CLSTN2: variants seen among roughly 807,000 people sequenced by gnomAD.
The protein encoded by CLSTN2 is calsyntenin 2.
A neutral mutation model predicts 101.2 loss-of-function variants in CLSTN2; 48 were observed. The ratio of observed to expected loss-of-function variants is 0.47; its 90% CI spans 0.38 to 0.60. The LOEUF (loss-of-function observed/expected upper bound fraction) is 0.60, where lower values mean the gene tolerates loss of function less well. Among genes scored for constraint, CLSTN2 ranks in the 20% least tolerant of loss-of-function variants. CLSTN2 has a pLI of 0.00. For missense variants in CLSTN2, 1,160 were observed against 1,238.2 expected (o/e 0.94, Z 0.95); for synonymous variants, 481 against 463.6 (o/e 1.04, Z -0.48).
At chr3:140,325,430 A>T (rs2107926079) in intron 2 of CLSTN2, among the ~76,000 whole-genome samples, 1 of 152,346 alleles carries the variant, frequency 6.6e-6, no homozygotes, top group African/African-American at 2.4e-5. Context: ...TAGGTTGCTC[A>T]TGAAGACCCC....
chr3:140,037,267 T>C (rs2007672854), intron 1 of CLSTN2, among the ~76,000 whole-genome samples: 1 of 152,150 alleles, frequency 6.6e-6, no homozygotes, highest in Non-Finnish European at 1.5e-5. Flanking sequence ...ACAGAGCAAT[T>C]TTGAAGCAAC....
rs555875695 is a variant in CLSTN2 at position 140,207,562 on chromosome 3, C to G, written c.232+31489C>G. 1.3e-3 allele frequency among the ~76,000 whole-genome samples: 204 copies of G among 152,124 alleles called. 1 individual carries two copies. In the Middle Eastern group the frequency reaches 0.02, roughly 15 times the overall value. Reference sequence around the variant, plus strand: ...CATTTGTGAACATGCTTCACAAATTCAAAAGTTCAAAACACCTGTGAGGAT... The same window carrying G: ...CATTTGTGAACATGCTTCACAAATTGAAAAGTTCAAAACACCTGTGAGGAT... On this transcript the variant is annotated intron_variant, in intron 2 of 16. Transcript: ENST00000458420.
chr3:139,998,322 G>A (rs1203352991), intron 1 of CLSTN2, among the ~76,000 whole-genome samples: 2 of 94,506 alleles, frequency 2.1e-5, no homozygotes, highest in Admixed American at 2.1e-4. Flanking sequence ...TGGGATAATA[G>A]TTCCCCCACA....
intron 2 of CLSTN2, among the ~76,000 whole-genome samples, chr3:140,328,700 C>A (rs954522448): frequency 3.9e-5 from 6 of 152,140 alleles, no homozygotes; most frequent in Non-Finnish European, 8.8e-5. Context: ...TAGATGTGAA[C>A]CCTGGCTCTA....
intron 2 of CLSTN2, among the ~76,000 whole-genome samples, chr3:140,355,604 C>T (rs762468964): frequency 6.6e-6 from 1 of 152,088 alleles, no homozygotes; most frequent in African/African-American, 2.4e-5. Flanking sequence ...CAGGAAGTGT[C>T]CTGGGGAAGG....
chr3:140,472,145 G>C (rs772618236), intron 8 of CLSTN2, among the ~76,000 whole-genome samples: 17 of 152,074 alleles, frequency 1.1e-4, no homozygotes, highest in Non-Finnish European at 2.2e-4. Flanking sequence ...CATACCCAGA[G>C]GGTCCCTTCA....
chr3:140,266,705 A>G (rs1264167150), intron 2 of CLSTN2, among the ~76,000 whole-genome samples: 1 of 152,156 alleles, frequency 6.6e-6, no homozygotes, highest in Non-Finnish European at 1.5e-5. Flanking sequence ...CCTCAGAAAA[A>G]CTATTGTTGG....
At chr3:140,056,305 T>C (rs2008095352) in intron 1 of CLSTN2, among the ~76,000 whole-genome samples, 1 of 152,188 alleles carries the variant, frequency 6.6e-6, no homozygotes, top group South Asian at 2.1e-4. Context: ...GCTAGATGAA[T>C]GTCTGTTTGG....
chr3:140,177,819 G>T (rs1415519284), intron 2 of CLSTN2, among the ~76,000 whole-genome samples: 2 of 152,076 alleles, frequency 1.3e-5, no homozygotes, highest in African/African-American at 4.8e-5. Context: ...GAAATTGAGA[G>T]ATTTAGCATA....
At chr3:140,234,950 A>G (rs1331527935) in intron 2 of CLSTN2, among the ~76,000 whole-genome samples, 3 of 152,220 alleles carry the variant, frequency 2.0e-5, no homozygotes, top group Non-Finnish European at 4.4e-5. Context: ...CTACCGCCAC[A>G]GAGTTCCCCT....
rs11291049 is a variant in CLSTN2 at position 140,568,712 on chromosome 3, TC to T, written c.*2460del. On this transcript the variant is annotated 3_prime_UTR_variant, in exon 17 of 17. Transcript: ENST00000458420. ...AGTCTGGTGTTTGTGAGAACACTTT[TC>T]TCTTTGCTCAGTCTTTTCGATCTGG... 3,191 of 152,328 alleles carry T rather than the reference TC, an allele frequency of 0.021. 119 individuals are homozygous for T. The highest frequency in any genetic ancestry group is 0.073 in the African/African-American group (3,048 of 41,540). 9.4% of individuals were successfully genotyped at this position (152,328 alleles called of 1,614,324 possible). A position where few individuals can be genotyped will look rare whatever the true frequency, so the allele number is the denominator to read the frequency against.
At chr3:140,545,309 A>C (rs1353201705) in intron 9 of CLSTN2, among the ~76,000 whole-genome samples, 1 of 152,158 alleles carries the variant, frequency 6.6e-6, no homozygotes, top group East Asian at 1.9e-4. Flanking sequence ...ACACACTGTT[A>C]GCAACTGCTG....
intron 9 of CLSTN2, among the ~76,000 whole-genome samples, chr3:140,540,359 C>G (rs980615521): frequency 6.6e-6 from 1 of 152,230 alleles, no homozygotes; most frequent in Non-Finnish European, 1.5e-5. Context: ...TCTGTCCCCA[C>G]AAGCCACCTG....
intron 1 of CLSTN2, among the ~76,000 whole-genome samples, chr3:140,081,690 T>C (rs1326756093): frequency 6.7e-6 from 1 of 149,922 alleles, no homozygotes; most frequent in East Asian, 2.0e-4. Flanking sequence ...CCTGATATCA[T>C]GATATCATAC....
chr3:140,357,430 G>A (rs1466940144), intron 2 of CLSTN2, among the ~76,000 whole-genome samples: 8 of 152,110 alleles, frequency 5.3e-5, no homozygotes, highest in East Asian at 1.9e-4. Context: ...CCCTCCAGAC[G>A]TCTTTCCAAT....
chr3:140,469,759 T>C (rs1482924436), intron 8 of CLSTN2, among the ~76,000 whole-genome samples: 1 of 152,168 alleles, frequency 6.6e-6, no homozygotes, highest in Non-Finnish European at 1.5e-5. Flanking sequence ...AGTAAATGTT[T>C]GCATAACAGT....
At chr3:139,987,208 AT>A (rs1249720675) in intron 1 of CLSTN2, among the ~76,000 whole-genome samples, 1 of 152,222 alleles carries the variant, frequency 6.6e-6, no homozygotes, top group Non-Finnish European at 1.5e-5. Context: ...AGGAATGGCC[AT>A]GTCCAATGCC....
At chr3:139,987,801 A>T (rs1936051923) in intron 1 of CLSTN2, among the ~76,000 whole-genome samples, 1 of 152,200 alleles carries the variant, frequency 6.6e-6, no homozygotes, top group South Asian at 2.1e-4. Context: ...GTGATAGATT[A>T]GTTGCTGAAC....
intron 1 of CLSTN2, among the ~76,000 whole-genome samples, chr3:140,144,042 G>T (rs1035692269): frequency 1.3e-5 from 2 of 152,232 alleles, no homozygotes; most frequent in Admixed American, 1.3e-4. Flanking sequence ...ATCATTTCCA[G>T]GCTGAGGTTT....
Sources: gnomAD v4.1 joint callset for allele counts (sites outside exome capture counted in the v4.1 genomes callset) on GRCh38, gnomAD v4.1.1 for gene constraint, MANE v1.5 for transcripts, NCBI Gene and HGNC (gene_info 2026-07-23, HGNC 2026-07-21) for gene names.